ZNF121: variants seen among roughly 807,000 people sequenced by gnomAD.
ZNF121 encodes the protein zinc finger protein 121.
In ZNF121, 1 loss-of-function variant was observed where a neutral mutation model predicts 2.4. The ratio of observed to expected loss-of-function variants is 0.41; its 90% CI spans 0.15 to 1.94. The LOEUF is 1.94. ZNF121 is among the 30% of genes most tolerant of loss of function. ZNF121 has a pLI of 0.30. For missense variants in ZNF121, 369 were observed against 466.3 expected, an observed-to-expected ratio of 0.79 and a Z score of 1.92; for synonymous variants, 173 against 158.6, an observed-to-expected ratio of 1.09 and a Z score of -0.68.
Position 9,566,623 on chromosome 19 carries a change from G to A in ZNF121, c.490C>T (p.Arg164Ter), listed in dbSNP as rs1016938139. The change falls in exon 4 of 4, where the codon CGA becomes TGA. Residue 164 changes from arginine to a stop codon, truncating the protein, a stop_gained. Coordinates refer to ENST00000320451, the MANE Select transcript of ZNF121 (RefSeq NM_001008727.5). LOFTEE classifies it low-confidence loss of function (END_TRUNC). ...RYSSYLNSHMRTHTGEKPYEC... is the reference protein window; with the variant it reads ...RYSSYLNSHM ...TAGGGTTTCTCCCCAGTATGGGTTC[G>A]CATGTGACTATTAAGATATGAAGAA... 2.5e-6 allele frequency: 4 copies of A among 1,614,112 alleles called. No homozygotes were observed. Among genetic ancestry groups the A allele is most frequent in the South Asian group, 1.1e-5 (1 of 91,068 alleles).
rs1482024528 is a variant in ZNF121 at position 9,565,815 on chromosome 19, A to T, written c.*125T>A. On this transcript the variant is annotated 3_prime_UTR_variant, in exon 4 of 4. Coordinates refer to ENST00000320451, the MANE Select transcript of ZNF121 (RefSeq NM_001008727.5). ...TCATGTCTTCGAAGTGAATGGGGAT[A>T]ACTGAAGGCCTCCTCACATTCTTTG... 2 of 686,106 alleles carry T rather than the reference A, an allele frequency of 2.9e-6. No individual in the cohort carries two copies. The highest frequency in any genetic ancestry group is 3.6e-5 in the African/African-American group (2 of 55,004). 42.5% of individuals were successfully genotyped at this position (686,106 alleles called of 1,614,324 possible).
Position 9,566,951 on chromosome 19 carries a change from A to G in ZNF121, c.162T>C (p.Ser54=). 2 of 1,614,200 alleles carry G rather than the reference A, an allele frequency of 1.2e-6. No homozygotes were observed. The highest frequency in any genetic ancestry group is 1.7e-6 in the Non-Finnish European group (2 of 1,180,036). The change falls in exon 4 of 4, where the codon AGT becomes AGC. Residue 54 remains serine (S), a synonymous_variant. Coordinates refer to ENST00000320451, the MANE Select transcript of ZNF121 (RefSeq NM_001008727.5). ...YGENFPMLHN[S]APAGETLSVL... is the part of the protein sequence containing the mutation. ...CAGAAAGTGTCTCTCCAGCAGGGGC[A>G]CTGTTGTGTAACATGGGAAAGTTTT...
At chr19:9,570,567 T>C (rs949445140) in intron 1 of ZNF121, among the ~76,000 whole-genome samples, 9 of 151,864 alleles carry the variant, frequency 5.9e-5, no homozygotes, top group Admixed American at 2.0e-4. Flanking sequence ...GGTTTTTTTG[T>C]TTGTTTGTTT....
chr19:9,565,387 A>AAAAAAAAT lies in ZNF121; in HGVS notation c.*552_*553insATTTTTTT, dbSNP rs1369472195. On this transcript the variant is annotated 3_prime_UTR_variant, in exon 4 of 4. Transcript: ENST00000320451. ...AAAAAAAAAAAAAAAAAAAAAAAAA[A>AAAAAAAAT]GGCCAGGAGCAGTGGCTCACTCCTA... The AAAAAAAAT allele has an allele frequency of 7.2e-5, 10 of 139,772 alleles. No homozygotes were observed. Among genetic ancestry groups the AAAAAAAAT allele is most frequent in the Admixed American group, 1.5e-4 (2 of 13,128 alleles). The allele number at this position is 139,772 out of a possible 1,614,324, so 8.7% of individuals were successfully genotyped here.
At chr19:9,582,167 G>A (rs913595203) in intron 1 of ZNF121, among the ~76,000 whole-genome samples, 5 of 152,176 alleles carry the variant, frequency 3.3e-5, no homozygotes, top group Non-Finnish European at 5.9e-5. Flanking sequence ...AAATTAGCTG[G>A]GCATGGCGGC....
chr19:9,568,974 A>C (rs561215969), intron 2 of ZNF121, 28 bp downstream of exon 2: 1 of 153,076 alleles, frequency 6.5e-6, no homozygotes, highest in African/African-American at 2.4e-5. Context: ...TGAACTTCTC[A>C]TTGACCAGGA....
In ZNF121 at chr19:9,566,370, T is replaced by G. The variant is rs1291692215; in HGVS notation, c.743A>C (p.Lys248Thr). 1 of 1,613,700 alleles carries G rather than the reference T, an allele frequency of 6.2e-7. No individual in the cohort carries two copies. Among genetic ancestry groups the G allele is most frequent in the Admixed American group, 1.7e-5 (1 of 59,994 alleles). ...NRFYLLTEHF[K>T]THTEEKPFEC... ...AAAGGGCTTCTCCTCTGTGTGAGTT[T>G]TAAAATGTTCAGTTAGTAGATAAAA... The change falls in exon 4 of 4, where the codon AAA becomes ACA. Residue 248 changes from lysine (K) to threonine (T), a missense_variant. Physicochemically the swap from Lys to Thr is moderately conservative, Grantham distance 78. Coordinates refer to ENST00000320451, the MANE Select transcript of ZNF121 (RefSeq NM_001008727.5).
At chr19:9,577,462 T>C (rs1268083365) in intron 1 of ZNF121, among the ~76,000 whole-genome samples, 1 of 126,660 alleles carries the variant, frequency 7.9e-6, no homozygotes, top group African/African-American at 3.0e-5. Context: ...AAAAGAAAAA[T>C]AAAGAAAAAG....
At chr19:9,583,513 T>G (rs1399035368) in intron 1 of ZNF121, among the ~76,000 whole-genome samples, 1 of 109,502 alleles carries the variant, frequency 9.1e-6, no homozygotes, top group Non-Finnish European at 1.7e-5. Context: ...TTTTTTTTTT[T>G]GTGTGTGTGA....
chr19:9,583,982 A>C (rs2074267546), intron 1 of ZNF121, among the ~76,000 whole-genome samples: 1 of 152,256 alleles, frequency 6.6e-6, no homozygotes, highest in South Asian at 2.1e-4. Flanking sequence ...AAAAATAAGA[A>C]TAGGACATCA....
rs1730060489 is a variant in ZNF121 at position 9,566,554 on chromosome 19, G to A, written c.559C>T (p.Leu187=). The A allele has an allele frequency of 6.2e-7, 1 of 1,614,166 alleles. No homozygotes were observed. Among genetic ancestry groups the A allele is most frequent in the South Asian group, 1.1e-5 (1 of 91,076 alleles). Residue 187 remains leucine, a synonymous_variant, in exon 4 of 4, where the codon CTA becomes TTA. Transcript: ENST00000320451. ...CGKCFTVSSH[L]VEHVRIHTGE... The stretch of plus-strand genomic sequence containing the variant: ...GTATGAATTCTTACATGTTCAACTA[G>A]GTGTGAAGAAACAGTGAAGCATTTC...
chr19:9,581,057 T>A (rs1157499584), intron 1 of ZNF121, among the ~76,000 whole-genome samples: 1 of 152,068 alleles, frequency 6.6e-6, no homozygotes, highest in Non-Finnish European at 1.5e-5. Flanking sequence ...TTGTAGGAAA[T>A]CGCATGAAAT....
rs2074109040 is a variant in ZNF121 at position 9,562,936 on chromosome 19, A to G, written c.*3004T>C. The G allele has an allele frequency of 6.7e-6, 1 of 148,256 alleles. No individual in the cohort carries two copies. The allele number at this position is 148,256 out of a possible 1,614,324, so 9.2% of individuals were successfully genotyped here. A position where few individuals can be genotyped will look rare whatever the true frequency, so the allele number is the denominator to read the frequency against. On this transcript the variant is annotated 3_prime_UTR_variant, in exon 4 of 4. Coordinates refer to ENST00000320451, the MANE Select transcript of ZNF121 (RefSeq NM_001008727.5). ...AAATTAGCTGGCCATGGTGGTGCAC[A>G]CCTGCAGTCTTTAGCTACTCAGGAG... is the stretch of plus-strand genomic sequence containing the variant.
intron 1 of ZNF121, among the ~76,000 whole-genome samples, chr19:9,573,648 G>T (rs1356321089): frequency 1.3e-5 from 2 of 152,140 alleles, no homozygotes; most frequent in African/African-American, 4.8e-5. Flanking sequence ...GTACAGGAAG[G>T]TAAGATGACA....
rs1355815226 is a variant in ZNF121 at position 9,565,854 on chromosome 19, T to C, written c.*86A>G. On this transcript the variant is annotated 3_prime_UTR_variant, in exon 4 of 4. Transcript: ENST00000320451. ...TCACATTCTTTGTACCAATAAAATTTCTCTTCAGTGTGAATTCAAATGTGG... is the reference window on the plus strand; with the variant it reads ...TCACATTCTTTGTACCAATAAAATTCCTCTTCAGTGTGAATTCAAATGTGG... 3.7e-6 allele frequency: 4 copies of C among 1,091,242 alleles called. No homozygotes were observed. In the East Asian group the frequency reaches 7.9e-5, roughly 22 times the overall value. The allele number at this position is 1,091,242 out of a possible 1,614,324, so 67.6% of individuals were successfully genotyped here.
chr19:9,568,371 A>AT (rs34558756), intron 2 of ZNF121, among the ~76,000 whole-genome samples, 196 bp from the exon 3 acceptor site: 216 of 145,746 alleles, frequency 1.5e-3, no homozygotes, highest in East Asian at 5.9e-3. Context: ...AAACTTAGTA[A>AT]TTTTTTTTTT....
intron 3 of ZNF121, 123 bp downstream of exon 3, chr19:9,567,972 T>G: frequency 8.9e-7 from 1 of 1,121,128 alleles, no homozygotes; most frequent in Non-Finnish European, 1.2e-6. Context: ...ACCCTTGCTC[T>G]AGAGACATTC....
intron 1 of ZNF121, among the ~76,000 whole-genome samples, chr19:9,575,413 A>ACTCTGTC (rs1273155956): frequency 6.6e-6 from 1 of 151,706 alleles, no homozygotes; most frequent in African/African-American, 2.4e-5. Context: ...ACAGAGCAAG[A>ACTCTGTC]TTTCATTTCA....
chr19:9,560,794 C>A lies in ZNF121; in HGVS notation c.*5146G>T, dbSNP rs897776921. On this transcript the variant is annotated 3_prime_UTR_variant, in exon 4 of 4. Coordinates refer to ENST00000320451, the MANE Select transcript of ZNF121 (RefSeq NM_001008727.5). ...TGCAATGAACACAGGTAGGCATTCA[C>A]ACATTGAGATGCTTTCTTCAGTTCC... 6.6e-6 allele frequency: 1 copy of A among 152,236 alleles called. No individual in the cohort carries two copies. The highest frequency in any genetic ancestry group is 2.4e-5 in the African/African-American group (1 of 41,468). 9.4% of individuals were successfully genotyped at this position (152,236 alleles called of 1,614,324 possible).
Sources: gnomAD v4.1 joint callset for allele counts (sites outside exome capture counted in the v4.1 genomes callset) on GRCh38, gnomAD v4.1.1 for gene constraint, MANE v1.5 for transcripts, NCBI Gene and HGNC (gene_info 2026-07-23, HGNC 2026-07-21) for gene names.